The following DNER variants were observed in gnomAD, a reference collection of about 807,000 sequenced individuals.
DNER encodes the protein delta and Notch-like epidermal growth factor-related receptor.
A neutral mutation model predicts 78.2 loss-of-function variants in DNER; 33 were observed. The observed-to-expected ratio is 0.42, with a 90% CI of 0.32 to 0.56. The LOEUF is 0.56. Ranked by LOEUF, DNER falls within the 20% of genes least tolerant of loss-of-function variation. The probability of loss-of-function intolerance (pLI) is 0.11; values close to 1 mark genes in which losing one functional copy is unlikely to be tolerated. For missense variants in DNER, 918 were observed against 975.3 expected (o/e 0.94, Z 0.78); for synonymous variants, 417 against 384.8 (o/e 1.08, Z -0.98).
At chr2:229,681,865 CAAAT>C (rs1478376943) in intron 1 of DNER, among the ~76,000 whole-genome samples, 2 of 145,410 alleles carry the variant, frequency 1.4e-5, no homozygotes, top group Non-Finnish European at 1.5e-5. Flanking sequence ...CACACACACA[CAAAT>C]GTATCGTATA....
chr2:229,579,886 T>C (rs577306433), intron 4 of DNER, among the ~76,000 whole-genome samples: 1 of 152,178 alleles, frequency 6.6e-6, no homozygotes, highest in Admixed American at 6.5e-5. Context: ...GAAGACTTTA[T>C]GGTAAGTCCA....
rs1482865220 is a variant in DNER, at chr2:229,488,420, G to A, written c.1148-11167C>T. Among the ~76,000 whole-genome samples the A allele has an allele frequency of 3.3e-5, 5 of 152,228 alleles. No individual in the cohort carries two copies. In the East Asian group the frequency reaches 9.6e-4, roughly 29 times the overall value. ...GTTTGTGTATGTGTTATGTGCATGT[G>A]TGTATACATGTGTGTGCATGTGTTG... On this transcript the variant is annotated intron_variant, in intron 6 of 12. Transcript: ENST00000341772.
intron 12 of DNER, among the ~76,000 whole-genome samples, chr2:229,362,764 A>G (rs1025549749): frequency 6.6e-6 from 1 of 152,214 alleles, no homozygotes; most frequent in African/African-American, 2.4e-5. Context: ...AGCACCAGTA[A>G]TATCAGTTAG....
At chr2:229,434,923 TATACACACAC>T (rs1271156243) in intron 8 of DNER, among the ~76,000 whole-genome samples, 1 of 108,982 alleles carries the variant, frequency 9.2e-6, no homozygotes, top group Non-Finnish European at 2.1e-5. Context: ...TATATATATA[TATACACACAC>T]ACACACACAC....
At chr2:229,617,541 T>C (rs543740057) in intron 1 of DNER, among the ~76,000 whole-genome samples, 1 of 147,160 alleles carries the variant, frequency 6.8e-6, no homozygotes, top group South Asian at 2.1e-4. Flanking sequence ...TTCAATTTTC[T>C]AACACACAAA....
chr2:229,708,141 G>C (rs566895868), intron 1 of DNER, among the ~76,000 whole-genome samples: 2 of 152,354 alleles, frequency 1.3e-5, no homozygotes, highest in Admixed American at 6.5e-5. Context: ...TCCAGGCTGT[G>C]AGCCTGGCTG....
intron 7 of DNER, among the ~76,000 whole-genome samples, chr2:229,470,907 T>C (rs1352289815): frequency 6.6e-6 from 1 of 152,140 alleles, no homozygotes. Flanking sequence ...CTTAATACCC[T>C]GCTTTGATTC....
intron 4 of DNER, among the ~76,000 whole-genome samples, chr2:229,556,475 G>A (rs928317052): frequency 6.6e-6 from 1 of 152,194 alleles, no homozygotes; most frequent in African/African-American, 2.4e-5. Context: ...TTCCAGTTAA[G>A]AACCACTGGT....
intron 4 of DNER, among the ~76,000 whole-genome samples, chr2:229,575,023 T>G (rs926411659): frequency 3.9e-5 from 6 of 152,190 alleles, no homozygotes; most frequent in Non-Finnish European, 5.9e-5. Flanking sequence ...CAGACAAGAT[T>G]TCGGTTAAAA....
intron 8 of DNER, among the ~76,000 whole-genome samples, chr2:229,422,448 C>T (rs1346194049): frequency 2.0e-5 from 3 of 152,200 alleles, no homozygotes; most frequent in East Asian, 3.9e-4. Context: ...ATCAGTTCCC[C>T]TTATTTCTTT....
chr2:229,413,954 G>C (rs1214125520), intron 9 of DNER, among the ~76,000 whole-genome samples: 1 of 151,860 alleles, frequency 6.6e-6, no homozygotes, highest in Non-Finnish European at 1.5e-5. Flanking sequence ...ACAGTTTCCT[G>C]AATGTATACA....
chr2:229,436,461 A>C (rs1244741159), intron 8 of DNER, among the ~76,000 whole-genome samples: 3 of 152,204 alleles, frequency 2.0e-5, no homozygotes, highest in Non-Finnish European at 2.9e-5. Context: ...CACCTATGAA[A>C]TACTACAAAA....
intron 9 of DNER, 78 bp from the exon 10 acceptor site, chr2:229,407,423 C>T (rs1693412853): frequency 1.6e-6 from 2 of 1,283,824 alleles, no homozygotes; most frequent in African/African-American, 1.5e-5. Flanking sequence ...AAAGTCGGAA[C>T]TCTCTGGAAC....
intron 5 of DNER, among the ~76,000 whole-genome samples, chr2:229,523,869 T>C (rs1481221364): frequency 1.3e-5 from 2 of 152,258 alleles, no homozygotes; most frequent in African/African-American, 4.8e-5. Flanking sequence ...ACATAGCTCA[T>C]GAGCTCCAAG....
intron 6 of DNER, among the ~76,000 whole-genome samples, chr2:229,492,469 C>T (rs1016669078): frequency 6.6e-6 from 1 of 152,160 alleles, no homozygotes; most frequent in Non-Finnish European, 1.5e-5. Context: ...AATTCACAGA[C>T]CATTAATATG....
chr2:229,483,796 C>G (rs1356367913), intron 6 of DNER, among the ~76,000 whole-genome samples: 1 of 152,158 alleles, frequency 6.6e-6, no homozygotes, highest in Non-Finnish European at 1.5e-5. Flanking sequence ...AAGTCACTTG[C>G]TCAGACCTCA....
Position 229,367,028 on chromosome 2 carries a change from G to C in DNER, c.1947C>G (p.Ala649=). ...TCAGGATGATCAGCATAAGGATGAAGGCCACGCAGAGGGCTCCAATGATGA... is the reference window on the plus strand; with the variant it reads ...TCAGGATGATCAGCATAAGGATGAACGCCACGCAGAGGGCTCCAATGATGA... ...LYIIIGALCV[A]FILMLIILIV... Residue 649 remains alanine (A), a synonymous_variant, in exon 12 of 13, where the codon GCC becomes GCG. Coordinates refer to ENST00000341772, the MANE Select transcript of DNER (RefSeq NM_139072.4). The C allele has an allele frequency of 6.2e-7, 1 of 1,614,082 alleles. No individual in the cohort carries two copies. The highest frequency in any genetic ancestry group is 8.5e-7 in the Non-Finnish European group (1 of 1,179,992).
chr2:229,529,687 A>T (rs77469831), intron 5 of DNER, among the ~76,000 whole-genome samples: 1,798 of 152,338 alleles, frequency 0.012, 38 homozygotes, highest in African/African-American at 0.041. Context: ...AGGTAAAGGT[A>T]AAATGCTAAC....
chr2:229,562,987 ACAT>A (rs879852731), intron 4 of DNER, among the ~76,000 whole-genome samples: 31 of 124,500 alleles, frequency 2.5e-4, no homozygotes, highest in Middle Eastern at 0.011. Context: ...CACCCCATCA[ACAT>A]CATCATCAAC....
Sources: allele counts gnomAD v4.1 joint callset (sites outside exome capture counted in the v4.1 genomes callset), GRCh38; gene constraint gnomAD v4.1.1; transcripts MANE v1.5; gene names NCBI Gene and HGNC (gene_info 2026-07-23, HGNC 2026-07-21).